Variants in POU6F2 observed in about 807,000 individuals in gnomAD.
The protein encoded by POU6F2 is POU domain, class 6, transcription factor 2.
A neutral mutation model predicts 71.3 loss-of-function variants in POU6F2; 31 were observed. That is an observed-to-expected ratio of 0.43 (90% CI 0.33 to 0.59). The LOEUF (loss-of-function observed/expected upper bound fraction) is 0.59, where lower values mean the gene tolerates loss of function less well. POU6F2 is among the 20% of genes least tolerant of loss of function. The probability of loss-of-function intolerance (pLI) is 0.04; values close to 1 mark genes in which losing one functional copy is unlikely to be tolerated. For missense variants in POU6F2, 783 were observed against 856.8 expected, an observed-to-expected ratio of 0.91 and a Z score of 1.07; for synonymous variants, 347 against 355.7, an observed-to-expected ratio of 0.98 and a Z score of 0.27.
chr7:38,997,624 G>A (rs2128698358), intron 1 of POU6F2, among the ~76,000 whole-genome samples: 1 of 152,248 alleles, frequency 6.6e-6, no homozygotes, highest in East Asian at 1.9e-4. Context: ...TATGTGTTCA[G>A]CACACAGCCT....
At chr7:39,240,588 C>CT (rs1783705526) in intron 4 of POU6F2, among the ~76,000 whole-genome samples, 1 of 152,120 alleles carries the variant, frequency 6.6e-6, no homozygotes, top group African/African-American at 2.4e-5. Context: ...GAATGAGAAA[C>CT]TTTACAAAAT....
At chr7:39,310,155 T>C (rs1785134426) in intron 4 of POU6F2, among the ~76,000 whole-genome samples, 1 of 152,150 alleles carries the variant, frequency 6.6e-6, no homozygotes, top group Non-Finnish European at 1.5e-5. Context: ...CACAGTGCAA[T>C]ACTTCACAGT....
intron 4 of POU6F2, among the ~76,000 whole-genome samples, chr7:39,277,678 C>G (rs1562773774): frequency 1.8e-5 from 1 of 56,376 alleles, no homozygotes; most frequent in African/African-American, 5.8e-5. Context: ...GTTAACTTTC[C>G]CTTAACAAAC....
At chr7:39,117,798 T>C (rs908125598) in intron 2 of POU6F2, among the ~76,000 whole-genome samples, 7 of 152,186 alleles carry the variant, frequency 4.6e-5, no homozygotes, top group South Asian at 2.1e-4. Context: ...GCTTCTCTCT[T>C]AGAAGGTGAG....
intron 4 of POU6F2, among the ~76,000 whole-genome samples, chr7:39,275,258 C>A (rs1313177293): frequency 2.0e-5 from 3 of 152,124 alleles, no homozygotes; most frequent in Non-Finnish European, 4.4e-5. Flanking sequence ...ACACCAATAA[C>A]AGACAAACAG....
At chr7:39,180,585 G>A (rs1171776974) in intron 2 of POU6F2, among the ~76,000 whole-genome samples, 7 of 152,066 alleles carry the variant, frequency 4.6e-5, no homozygotes, top group African/African-American at 1.4e-4. Context: ...CTCCAGCCTC[G>A]TGTCTCCGCT....
chr7:39,221,352 C>T (rs1794353782), intron 4 of POU6F2, among the ~76,000 whole-genome samples: 1 of 149,168 alleles, frequency 6.7e-6, no homozygotes, highest in African/African-American at 2.5e-5. Flanking sequence ...TGCGCAATTT[C>T]CATTGATCAG....
intron 4 of POU6F2, among the ~76,000 whole-genome samples, chr7:39,258,977 C>G (rs1263958991): frequency 1.3e-5 from 2 of 152,092 alleles, no homozygotes; most frequent in Non-Finnish European, 2.9e-5. Context: ...TAATTTTTTT[C>G]TTATTATGCC....
chr7:39,432,683 C>G (rs1343200838), intron 6 of POU6F2, among the ~76,000 whole-genome samples: 1 of 151,962 alleles, frequency 6.6e-6, no homozygotes, highest in African/African-American at 2.4e-5. Flanking sequence ...GTGGAGCCCC[C>G]CGGGGTTGGG....
intron 4 of POU6F2, among the ~76,000 whole-genome samples, chr7:39,306,745 T>C (rs879304773): frequency 4.6e-5 from 7 of 152,206 alleles, no homozygotes; most frequent in Non-Finnish European, 8.8e-5. Flanking sequence ...TCTTTCCAAA[T>C]AAAAGATATG....
intron 2 of POU6F2, among the ~76,000 whole-genome samples, chr7:39,174,607 A>G (rs910758914): frequency 6.6e-6 from 1 of 150,620 alleles, no homozygotes; most frequent in Non-Finnish European, 1.5e-5. Flanking sequence ...ATTCCTGCCC[A>G]CCTCCTCCTT....
chr7:39,026,562 GACACAGGAAGGGGAACA>G (rs1276702387), intron 1 of POU6F2, among the ~76,000 whole-genome samples: 18 of 152,052 alleles, frequency 1.2e-4, no homozygotes, highest in African/African-American at 3.9e-4. Flanking sequence ...AGAACACATG[GACACAGGAAGGGGAACA>G]ACACACTCTG....
chr7:39,341,150 A>C (rs1396357613), intron 5 of POU6F2, among the ~76,000 whole-genome samples: 1 of 152,194 alleles, frequency 6.6e-6, no homozygotes, highest in African/African-American at 2.4e-5. Flanking sequence ...TGGTACACGG[A>C]CAGAAAGGCA....
At chr7:39,045,835 C>T (rs1350428278) in intron 1 of POU6F2, among the ~76,000 whole-genome samples, 1 of 151,814 alleles carries the variant, frequency 6.6e-6, no homozygotes, top group Non-Finnish European at 1.5e-5. Context: ...TTAATTTTAT[C>T]ACATTTTATT....
chr7:39,139,467 A>C (rs1385173007), intron 2 of POU6F2, among the ~76,000 whole-genome samples: 1 of 152,216 alleles, frequency 6.6e-6, no homozygotes, highest in African/African-American at 2.4e-5. Flanking sequence ...CTACAAAAGC[A>C]AACTACTATT....
Position 39,465,068 on chromosome 7 carries a change from A to C in POU6F2, c.*382A>C. The C allele has an allele frequency of 1.9e-5, 1 of 51,292 alleles. No homozygotes were observed. Among genetic ancestry groups the C allele is most frequent in the Non-Finnish European group, 3.7e-5 (1 of 27,356 alleles). 3.2% of individuals were successfully genotyped at this position (51,292 alleles called of 1,614,324 possible). ...GAAAATGTGAACACATTTTAAGGAA[A>C]AAGAAAAAAAAAAACTAAACCAAAA... is the stretch of plus-strand genomic sequence containing the variant. On this transcript the variant is annotated 3_prime_UTR_variant, in exon 10 of 10. Coordinates refer to ENST00000518318, the MANE Select transcript of POU6F2 (RefSeq NM_001370959.1).
intron 5 of POU6F2, among the ~76,000 whole-genome samples, chr7:39,365,101 A>G (rs1022828137): frequency 2.0e-5 from 3 of 152,072 alleles, no homozygotes; most frequent in African/African-American, 7.2e-5. Context: ...CCTTAGCCCA[A>G]ATCTGGAGGC....
intron 1 of POU6F2, among the ~76,000 whole-genome samples, chr7:39,070,351 G>C (rs1208517321): frequency 1.3e-5 from 2 of 150,898 alleles, no homozygotes; most frequent in Non-Finnish European, 2.9e-5. Context: ...AATGTGTCTA[G>C]TGCTTAAACT....
intron 1 of POU6F2, among the ~76,000 whole-genome samples, chr7:39,011,883 C>T (rs1339056500): frequency 6.6e-5 from 10 of 150,858 alleles, no homozygotes; most frequent in Admixed American, 1.3e-4. Flanking sequence ...GGGTTTCTGC[C>T]GAGAGATCCG....
Sources: gnomAD v4.1 joint callset for allele counts (sites outside exome capture counted in the v4.1 genomes callset) on GRCh38, gnomAD v4.1.1 for gene constraint, MANE v1.5 for transcripts, NCBI Gene and HGNC (gene_info 2026-07-23, HGNC 2026-07-21) for gene names.